The following KCNH1 variants were observed in gnomAD, a reference collection of about 807,000 sequenced individuals.
The protein encoded by KCNH1 is potassium voltage-gated channel subfamily H member 1.
Under a neutral mutation model 69.2 loss-of-function variants are expected in KCNH1, and 27 were observed. The observed-to-expected ratio is 0.39, with a 90% CI of 0.29 to 0.54. KCNH1 has a LOEUF of 0.54. Ranked by LOEUF, KCNH1 falls within the 20% of genes least tolerant of loss-of-function variation. The probability of loss-of-function intolerance (pLI) is 0.68; values close to 1 mark genes in which losing one functional copy is unlikely to be tolerated. For missense variants in KCNH1, 798 were observed against 1,261.6 expected (o/e 0.63, Z 5.57); for synonymous variants, 456 against 487.7 (o/e 0.93, Z 0.86).
chr1:210,863,737 T>C (rs1686034279), intron 7 of KCNH1, among the ~76,000 whole-genome samples: 1 of 152,224 alleles, frequency 6.6e-6, no homozygotes, highest in Non-Finnish European at 1.5e-5. Context: ...TGTGCCTTGC[T>C]GGTGTTCCCT....
rs116305158 is a variant in KCNH1, at chr1:210,862,361, C to T, written c.1462+57279G>A. 9.0e-4 allele frequency: 597 copies of T among 659,918 alleles called. 4 individuals carry two copies. The African/African-American group carries it at 9.7e-3, about 11-fold the overall frequency. The allele number at this position is 659,918 out of a possible 1,614,324, so 40.9% of individuals were successfully genotyped here. On this transcript the variant is annotated intron_variant, in intron 7 of 10. Transcript: ENST00000271751. ...AGCACTACTCACTGCACACATGGAC[C>T]TGCCGCAGCGGCAACTGGCGCAAAA...
chr1:211,070,818 T>A (rs114977366), intron 5 of KCNH1, among the ~76,000 whole-genome samples: 4 of 115,940 alleles, frequency 3.5e-5, no homozygotes, highest in Admixed American at 9.3e-5. Flanking sequence ...CGAGACTCCA[T>A]CTCAAAAAAA....
At position 211,099,856 on chromosome 1, in the gene KCNH1, G is replaced by C. The variant is rs149601868; in HGVS notation, c.310+3640C>G. On this transcript the variant is annotated intron_variant, in intron 3 of 10. Transcript: ENST00000271751. ...GAGGAGCCCATCACTGGACACCACT[G>C]ACAAAGGCCCTGCGCTCCATCTCCT... Among the ~76,000 whole-genome samples the C allele has an allele frequency of 7.6e-4, 116 of 152,186 alleles. 1 individual carries two copies. The highest frequency in any genetic ancestry group is 1.4e-3 in the Non-Finnish European group (98 of 68,010).
chr1:210,771,995 G>A (rs1051364572), intron 10 of KCNH1, among the ~76,000 whole-genome samples: 1 of 152,228 alleles, frequency 6.6e-6, no homozygotes. Flanking sequence ...GAGCAGAGCT[G>A]AGAGCTAGGT....
chr1:211,116,037 G>A (rs1207257998), intron 1 of KCNH1, among the ~76,000 whole-genome samples: 2 of 152,064 alleles, frequency 1.3e-5, no homozygotes, highest in Admixed American at 1.3e-4. Flanking sequence ...TCGGGAGGCT[G>A]AGGTGGGAGG....
chr1:211,060,416 A>G (rs1460251516), intron 5 of KCNH1, among the ~76,000 whole-genome samples: 2 of 148,886 alleles, frequency 1.3e-5, no homozygotes, highest in Non-Finnish European at 3.0e-5. Flanking sequence ...AAAAAAAAAA[A>G]AAAAAAAAAG....
rs527868732 is a variant in KCNH1, at chr1:211,070,381, G to A, written c.558+12399C>T. ...TGCAGTGAGCCAAGATCGCACCACCGCACTCCAGCCTGGGCGACAGAGCGA... is the reference window on the plus strand; with the variant it reads ...TGCAGTGAGCCAAGATCGCACCACCACACTCCAGCCTGGGCGACAGAGCGA... On this transcript the variant is annotated intron_variant, in intron 5 of 10. Coordinates refer to ENST00000271751, the MANE Select transcript of KCNH1 (RefSeq NM_172362.3). Among the ~76,000 whole-genome samples the A allele has an allele frequency of 4.7e-5, 7 of 149,796 alleles. No homozygotes were observed. In the South Asian group the frequency reaches 8.4e-4, roughly 18 times the overall value.
At chr1:210,882,082 C>T (rs1686506146) in intron 7 of KCNH1, among the ~76,000 whole-genome samples, 1 of 152,094 alleles carries the variant, frequency 6.6e-6, no homozygotes, top group African/African-American at 2.4e-5. Context: ...AAATATATCA[C>T]TCAGGTGGGG....
chr1:210,888,359 A>G (rs939998811), intron 7 of KCNH1, among the ~76,000 whole-genome samples: 1 of 152,206 alleles, frequency 6.6e-6, no homozygotes, highest in African/African-American at 2.4e-5. Flanking sequence ...CTTGAAACCA[A>G]TGAGAACAAA....
At chr1:211,053,940 T>A (rs1040541280) in intron 5 of KCNH1, among the ~76,000 whole-genome samples, 10 of 152,050 alleles carry the variant, frequency 6.6e-5, no homozygotes. Flanking sequence ...ACAGGAAGAT[T>A]TGAAAAATAA....
At position 210,958,820 on chromosome 1, in the gene KCNH1, T is replaced by C. The variant is rs377514087; in HGVS notation, c.1033-38751A>G. On this transcript the variant is annotated intron_variant, in intron 6 of 10. Transcript: ENST00000271751. ...TAGGTAGCCATTCGTCTAACCTTTT[T>C]TCAAGGTTTTTAGCTTCCTTGCGAT... Among the ~76,000 whole-genome samples the C allele has an allele frequency of 6.4e-4, 97 of 152,220 alleles. 1 individual carries two copies. Among genetic ancestry groups the C allele is most frequent in the Non-Finnish European group, 9.1e-4 (62 of 68,040 alleles).
intron 6 of KCNH1, among the ~76,000 whole-genome samples, chr1:210,970,965 C>T (rs932444726): frequency 6.6e-6 from 1 of 152,140 alleles, no homozygotes; most frequent in Non-Finnish European, 1.5e-5. Flanking sequence ...AAAACCACCA[C>T]ATCAAAAAGT....
At chr1:210,879,114 G>A (rs1686441766) in intron 7 of KCNH1, among the ~76,000 whole-genome samples, 1 of 151,958 alleles carries the variant, frequency 6.6e-6, no homozygotes, top group Non-Finnish European at 1.5e-5. Flanking sequence ...TTCAAAAATT[G>A]GATCAATAAT....
At chr1:210,726,996 C>T (rs530686273) in intron 10 of KCNH1, among the ~76,000 whole-genome samples, 2 of 152,154 alleles carry the variant, frequency 1.3e-5, no homozygotes, top group Non-Finnish European at 2.9e-5. Context: ...TGTCACCACT[C>T]TCAGTCTGGC....
At chr1:211,041,402 T>C (rs144747869) in intron 5 of KCNH1, among the ~76,000 whole-genome samples, 1 of 152,188 alleles carries the variant, frequency 6.6e-6, no homozygotes, top group African/African-American at 2.4e-5. Flanking sequence ...AACTAATCTA[T>C]CACAGGGAGT....
intron 7 of KCNH1, among the ~76,000 whole-genome samples, chr1:210,849,365 C>CTTTTTTTTTTT (rs150451228): frequency 1.0e-4 from 13 of 128,028 alleles, no homozygotes; most frequent in East Asian, 2.3e-4. Flanking sequence ...TTCTTTCTTT[C>CTTTTTTTTTTT]TTTTTTTTTT....
intron 10 of KCNH1, among the ~76,000 whole-genome samples, chr1:210,693,844 G>C (rs73067434): frequency 6.6e-6 from 1 of 152,090 alleles, no homozygotes; most frequent in Admixed American, 6.5e-5. Flanking sequence ...CCTGGGAGAC[G>C]CATGCTAACT....
intron 7 of KCNH1, among the ~76,000 whole-genome samples, chr1:210,894,038 A>G (rs1686806333): frequency 6.6e-6 from 1 of 152,022 alleles, no homozygotes; most frequent in Admixed American, 6.6e-5. Flanking sequence ...ACTTCTAAAA[A>G]CCTGTAACGG....
chr1:210,867,414 T>C (rs143310730), intron 7 of KCNH1, among the ~76,000 whole-genome samples: 1 of 151,262 alleles, frequency 6.6e-6, no homozygotes, highest in African/African-American at 2.4e-5. Flanking sequence ...GTGGGGGCAA[T>C]GTCAAGTATA....
Sources: gnomAD v4.1 joint callset for allele counts (sites outside exome capture counted in the v4.1 genomes callset) on GRCh38, gnomAD v4.1.1 for gene constraint, MANE v1.5 for transcripts, NCBI Gene and HGNC (gene_info 2026-07-23, HGNC 2026-07-21) for gene names.